The following SPRED1 variants were observed in gnomAD, a reference collection of about 807,000 sequenced individuals.
SPRED1 encodes the protein sprouty related EVH1 domain containing 1.
Under a neutral mutation model 52.3 loss-of-function variants are expected in SPRED1, and 18 were observed. The ratio of observed to expected loss-of-function variants is 0.34; its 90% CI spans 0.24 to 0.51. SPRED1 has a LOEUF of 0.51. SPRED1 is among the 20% of genes least tolerant of loss of function. The probability of loss-of-function intolerance (pLI) is 0.97; values close to 1 mark genes in which losing one functional copy is unlikely to be tolerated. For synonymous variants in SPRED1, 155 were observed against 179.7 expected (o/e 0.86, Z 1.10); for missense variants, 485 against 551.0 (o/e 0.88, Z 1.20).
At chr15:38,254,721 C>G (rs1008507631) in intron 1 of SPRED1, among the ~76,000 whole-genome samples, 1 of 152,140 alleles carries the variant, frequency 6.6e-6, no homozygotes, top group African/African-American at 2.4e-5. Flanking sequence ...AATATCAGTT[C>G]GGGGAGGTGC....
intron 1 of SPRED1, among the ~76,000 whole-genome samples, chr15:38,253,852 T>A (rs1052772962): frequency 6.6e-6 from 1 of 152,224 alleles, no homozygotes; most frequent in Non-Finnish European, 1.5e-5. Flanking sequence ...ATTGGACGTG[T>A]CTTCAGGAAC....
At chr15:38,292,813 TGAGA>T (rs1894952009) in intron 1 of SPRED1, among the ~76,000 whole-genome samples, 1 of 152,322 alleles carries the variant, frequency 6.6e-6, no homozygotes, top group Non-Finnish European at 1.5e-5. Context: ...TTAAAAGTTC[TGAGA>T]GGGAGCTGTC....
chr15:38,309,425 G>A (rs1041273457), intron 2 of SPRED1, among the ~76,000 whole-genome samples: 1 of 152,232 alleles, frequency 6.6e-6, no homozygotes, highest in African/African-American at 2.4e-5. Flanking sequence ...ACAGGCGTGA[G>A]CCACCGTACC....
chr15:38,264,927 A>G (rs763863798), intron 1 of SPRED1, among the ~76,000 whole-genome samples: 1 of 152,222 alleles, frequency 6.6e-6, no homozygotes, highest in Non-Finnish European at 1.5e-5. Context: ...TAAATAAACT[A>G]TCCAAATTAA....
chr15:38,350,845 T>C (rs569947862), intron 6 of SPRED1, among the ~76,000 whole-genome samples, 169 bp from the exon 7 acceptor site: 1 of 152,314 alleles, frequency 6.6e-6, no homozygotes. Context: ...GAAGGTACTG[T>C]GCTTTCCTCA....
At chr15:38,329,227 G>A (rs1208858901) in intron 4 of SPRED1, among the ~76,000 whole-genome samples, 1 of 152,130 alleles carries the variant, frequency 6.6e-6, no homozygotes, top group African/African-American at 2.4e-5. Flanking sequence ...GAAGAAAGAT[G>A]AGATCTGATT....
intron 1 of SPRED1, among the ~76,000 whole-genome samples, chr15:38,261,855 T>C (rs958073803): frequency 6.6e-6 from 1 of 152,264 alleles, no homozygotes; most frequent in Non-Finnish European, 1.5e-5. Context: ...ATGACTTCTA[T>C]ATATTAGCAT....
In SPRED1 at chr15:38,259,915, A is replaced by G. The variant is rs1173405035; in HGVS notation, c.32+6698A>G. On this transcript the variant is annotated intron_variant, in intron 1 of 6. Transcript: ENST00000299084. ...ACTCAGAATGAAAAACAGTTCATTA[A>G]TAATGGATTTCACGCTAAGGTATTA... Among the ~76,000 whole-genome samples the G allele has an allele frequency of 2.0e-5, 3 of 152,344 alleles. No individual in the cohort carries two copies. In the East Asian group the frequency reaches 5.8e-4, roughly 29 times the overall value.
intron 1 of SPRED1, chr15:38,283,643 G>A (rs867036574): frequency 2.5e-6 from 1 of 405,118 alleles, no homozygotes; most frequent in Non-Finnish European, 3.3e-6. Flanking sequence ...GTGAAGCTGA[G>A]AGTGTGATAT....
intron 1 of SPRED1, among the ~76,000 whole-genome samples, chr15:38,274,759 CCTGT>C (rs1595719025): frequency 6.6e-6 from 1 of 152,188 alleles, no homozygotes; most frequent in Non-Finnish European, 1.5e-5. Context: ...AGCTGTTCAG[CCTGT>C]CTTTTATAAC....
intron 1 of SPRED1, among the ~76,000 whole-genome samples, chr15:38,266,837 GA>G (rs10711288): frequency 0.82 from 123,671 of 150,310 alleles, 51,557 homozygotes; most frequent in Non-Finnish European, 0.89. Context: ...GAGCCAAAAA[GA>G]AAAAAAAAAA....
In SPRED1 at chr15:38,253,354, A is replaced by G. The variant is rs943069660; in HGVS notation, c.32+137A>G. 3.6e-6 allele frequency: 3 copies of G among 823,074 alleles called. No individual in the cohort carries two copies. The African/African-American group carries it at 5.1e-5, about 14-fold the overall frequency. 51.0% of individuals were successfully genotyped at this position (823,074 alleles called of 1,614,324 possible). A position where few individuals can be genotyped will look rare whatever the true frequency, so the allele number is the denominator to read the frequency against. ...TCGGTGCATCTTCTGGAGATAGCTG[A>G]TTTCTTTAGCCATTTTTAGTGGCAG... is the stretch of plus-strand genomic sequence containing the variant. On this transcript the variant is annotated intron_variant, in intron 1 of 6. Coordinates refer to ENST00000299084, the MANE Select transcript of SPRED1 (RefSeq NM_152594.3).
intron 2 of SPRED1, among the ~76,000 whole-genome samples, chr15:38,303,503 A>G (rs8024237): frequency 0.22 from 34,005 of 152,072 alleles, 4,035 homozygotes; most frequent in Middle Eastern, 0.33. Context: ...TATCTGATAC[A>G]TGGTATGTGA....
At chr15:38,280,610 T>G (rs1244208276) in intron 1 of SPRED1, among the ~76,000 whole-genome samples, 1 of 152,188 alleles carries the variant, frequency 6.6e-6, no homozygotes, top group African/African-American at 2.4e-5. Context: ...AATGTGATTT[T>G]TAGCTTGGGG....
chr15:38,343,334 T>C (rs1896065604), intron 5 of SPRED1, among the ~76,000 whole-genome samples: 1 of 151,848 alleles, frequency 6.6e-6, no homozygotes, highest in Non-Finnish European at 1.5e-5. Flanking sequence ...AAGAAATGAA[T>C]ATGGTCATAA....
chr15:38,321,860 G>A (rs953945184), intron 2 of SPRED1, among the ~76,000 whole-genome samples: 1 of 152,128 alleles, frequency 6.6e-6, no homozygotes, highest in Admixed American at 6.6e-5. Flanking sequence ...CTCCCAAAGT[G>A]CTGGGATTAC....
At chr15:38,340,056 C>G (rs1339032260) in intron 5 of SPRED1, among the ~76,000 whole-genome samples, 161 bp downstream of exon 5, 1 of 152,104 alleles carries the variant, frequency 6.6e-6, no homozygotes, top group Admixed American at 6.5e-5. Flanking sequence ...TTATAATGAG[C>G]CAAATCCAGA....
intron 4 of SPRED1, among the ~76,000 whole-genome samples, chr15:38,333,235 CA>C (rs1249153522): frequency 6.6e-6 from 1 of 152,092 alleles, no homozygotes; most frequent in African/African-American, 2.4e-5. Context: ...ACTGAATCAA[CA>C]AAGACTTTTT....
chr15:38,331,649 GTAT>G (rs1157173243), intron 4 of SPRED1, among the ~76,000 whole-genome samples: 10 of 152,008 alleles, frequency 6.6e-5, no homozygotes, highest in Admixed American at 5.2e-4. Flanking sequence ...TAGGTATATT[GTAT>G]TATATTATAT....
Sources: allele counts gnomAD v4.1 joint callset (sites outside exome capture counted in the v4.1 genomes callset), GRCh38; gene constraint gnomAD v4.1.1; transcripts MANE v1.5; gene names NCBI Gene and HGNC (gene_info 2026-07-23, HGNC 2026-07-21).